The following SAMD12 variants were observed in gnomAD, a reference collection of about 807,000 sequenced individuals.
SAMD12 encodes sterile alpha motif domain-containing protein 12.
A neutral mutation model predicts 15.0 loss-of-function variants in SAMD12; 9 were observed. The observed-to-expected ratio is 0.60, with a 90% CI of 0.36 to 1.05. The LOEUF (loss-of-function observed/expected upper bound fraction) is 1.05, where lower values mean the gene tolerates loss of function less well. Among genes scored for constraint, SAMD12 ranks in the 50% least tolerant of loss-of-function variants. The probability of loss-of-function intolerance (pLI) is 0.01; values close to 1 mark genes in which losing one functional copy is unlikely to be tolerated. For synonymous variants in SAMD12, 86 were observed against 90.1 expected, an observed-to-expected ratio of 0.96 and a Z score of 0.25; for missense variants, 230 against 234.2, an observed-to-expected ratio of 0.98 and a Z score of 0.12.
chr8:118,584,340 G>A (rs1292424052), intron 1 of SAMD12, among the ~76,000 whole-genome samples: 1 of 152,092 alleles, frequency 6.6e-6, no homozygotes, highest in African/African-American at 2.4e-5. Context: ...TACAATGCAT[G>A]ACCTCCATCT....
At chr8:118,432,297 C>T (rs1586711832) in intron 3 of SAMD12, among the ~76,000 whole-genome samples, 1 of 103,034 alleles carries the variant, frequency 9.7e-6, no homozygotes, top group East Asian at 2.6e-4. Context: ...CTCTTGCATG[C>T]TTTGTAATTT....
At chr8:118,304,556 G>A (rs1391778762) in intron 4 of SAMD12, among the ~76,000 whole-genome samples, 3 of 151,918 alleles carry the variant, frequency 2.0e-5, no homozygotes, top group South Asian at 2.1e-4. Flanking sequence ...TCAGGAGATC[G>A]AGACCATCCT....
intron 2 of SAMD12, among the ~76,000 whole-genome samples, chr8:118,525,530 T>C (rs1044608109): frequency 6.6e-6 from 1 of 152,148 alleles, no homozygotes. Context: ...TCAACAAATA[T>C]TAGTTGAAGG....
intron 4 of SAMD12, among the ~76,000 whole-genome samples, chr8:118,352,709 AC>A (rs1329744687): frequency 6.6e-6 from 1 of 152,202 alleles, no homozygotes; most frequent in African/African-American, 2.4e-5. Flanking sequence ...ACTCTCCAGT[AC>A]CTCACGGTTT....
chr8:118,423,211 C>A (rs1036253692), intron 3 of SAMD12, among the ~76,000 whole-genome samples: 3 of 152,052 alleles, frequency 2.0e-5, no homozygotes, highest in African/African-American at 7.3e-5. Flanking sequence ...CTTAGCCTGG[C>A]CCTCAAAGCA....
intron 2 of SAMD12, among the ~76,000 whole-genome samples, chr8:118,549,505 G>T (rs966171821): frequency 2.0e-5 from 3 of 152,156 alleles, no homozygotes; most frequent in African/African-American, 4.8e-5. Flanking sequence ...AAACAGAAAG[G>T]ACATCCACAC....
intron 4 of SAMD12, among the ~76,000 whole-genome samples, chr8:118,300,643 T>A (rs1814971691): frequency 1.3e-5 from 2 of 152,222 alleles, no homozygotes; most frequent in African/African-American, 4.8e-5. Context: ...TAGGCTCCAA[T>A]GAAGACCTAC....
intron 4 of SAMD12, among the ~76,000 whole-genome samples, chr8:118,360,453 T>C (rs1818436914): frequency 6.6e-6 from 1 of 152,124 alleles, no homozygotes; most frequent in South Asian, 2.1e-4. Flanking sequence ...ATGAAGTCAC[T>C]GTTTACATTG....
intron 2 of SAMD12, among the ~76,000 whole-genome samples, chr8:118,501,906 A>G (rs945782006): frequency 6.6e-6 from 1 of 151,906 alleles, no homozygotes; most frequent in East Asian, 1.9e-4. Context: ...AGTCCCAGCT[A>G]CTCGGGAGGC....
At chr8:118,397,306 A>G (rs2130775478) in intron 3 of SAMD12, among the ~76,000 whole-genome samples, 1 of 152,248 alleles carries the variant, frequency 6.6e-6, no homozygotes, top group South Asian at 2.1e-4. Context: ...AGTGAGATGA[A>G]CCAACAAGGA....
At chr8:118,517,146 G>T (rs1825265539) in intron 2 of SAMD12, among the ~76,000 whole-genome samples, 1 of 152,152 alleles carries the variant, frequency 6.6e-6, no homozygotes, top group Non-Finnish European at 1.5e-5. Context: ...TGAGTTCCTA[G>T]CTCAAAGGGG....
rs372666128 is a variant in SAMD12, at chr8:118,314,343, A to G, written c.433+65217T>C. On this transcript the variant is annotated intron_variant, in intron 4 of 4. Transcript: ENST00000409003. ...CACAGGAAGTTTCAGATAAGTGTAC[A>G]GGGAGGTCCTGTGTGTATCAAAATG... Among the ~76,000 whole-genome samples, 4 of 152,270 alleles carry G rather than the reference A, an allele frequency of 2.6e-5. No homozygotes were observed. In the South Asian group the frequency reaches 6.2e-4, roughly 24 times the overall value.
intron 3 of SAMD12, among the ~76,000 whole-genome samples, chr8:118,384,998 C>T (rs1331091496): frequency 3.9e-5 from 6 of 152,068 alleles, no homozygotes; most frequent in African/African-American, 7.2e-5. Context: ...AGGATGTTCC[C>T]GCAGCAGGAA....
At chr8:118,287,867 A>G (rs9297583) in intron 4 of SAMD12, among the ~76,000 whole-genome samples, 2,188 of 152,228 alleles carry the variant, frequency 0.014, 63 homozygotes, top group African/African-American at 0.049. Flanking sequence ...CCCCTAATAA[A>G]TATGTGGCCT....
chr8:118,333,620 G>A (rs917106353), intron 4 of SAMD12, among the ~76,000 whole-genome samples: 1 of 151,888 alleles, frequency 6.6e-6, no homozygotes, highest in Non-Finnish European at 1.5e-5. Flanking sequence ...CAGATCAAGG[G>A]AGTATTCAAT....
the SAMD12 span, among the ~76,000 whole-genome samples, chr8:118,152,428 TTTCC>T: frequency 6.7e-6 from 1 of 149,174 alleles, no homozygotes; most frequent in East Asian, 2.0e-4. Context: ...TTCCTTTCCT[TTTCC>T]TTCCTTCCTT....
rs1822681771 is a variant in SAMD12 at position 118,439,833 on chromosome 8, A to C, written c.321T>G (p.Thr107=). ...YSESFKQHDI[T]GRALLRLTDK... ...TATCTGGGATACTGCATACTTTACC[A>C]GTTATGTCATGCTGTTTGAATGACT... Residue 107 remains threonine (T), a splice_region_variant and synonymous_variant, in exon 3 of 4, where the codon ACT becomes ACG. Coordinates refer to ENST00000314727, the MANE Select transcript of SAMD12 (RefSeq NM_207506.3). 6.2e-7 allele frequency: 1 copy of C among 1,613,110 alleles called. No individual in the cohort carries two copies. Among genetic ancestry groups the C allele is most frequent in the African/African-American group, 1.3e-5 (1 of 75,026 alleles).
At position 118,481,378 on chromosome 8, in the gene SAMD12, C is replaced by T. The variant is rs117312070; in HGVS notation, c.193-41417G>A. Reference sequence around the variant, plus strand: ...ACTTAACACCTAGCAGTGTTCTCAGCGTGTAGTAGGAGCTAAAACAATATT... The same window carrying T: ...ACTTAACACCTAGCAGTGTTCTCAGTGTGTAGTAGGAGCTAAAACAATATT... On this transcript the variant is annotated intron_variant, in intron 2 of 3. Transcript: ENST00000314727. 1.0e-3 allele frequency among the ~76,000 whole-genome samples: 153 copies of T among 152,220 alleles called. 3 individuals are homozygous for T. The East Asian group carries it at 0.027, about 27-fold the overall frequency.
At chr8:118,253,882 T>A (rs1812872942) in intron 4 of SAMD12, among the ~76,000 whole-genome samples, 1 of 152,130 alleles carries the variant, frequency 6.6e-6, no homozygotes, top group East Asian at 1.9e-4. Context: ...AAGAAGAAAA[T>A]GCCCAGAATG....
Sources: gnomAD v4.1 joint callset for allele counts (sites outside exome capture counted in the v4.1 genomes callset) on GRCh38, gnomAD v4.1.1 for gene constraint, MANE v1.5 for transcripts, NCBI Gene and HGNC (gene_info 2026-07-23, HGNC 2026-07-21) for gene names.